The following GRM5 variants were observed in gnomAD, a reference collection of about 807,000 sequenced individuals.
The protein encoded by GRM5 is glutamate metabotropic receptor 5, also known as metabotropic glutamate receptor 5.
Under a neutral mutation model 83.1 loss-of-function variants are expected in GRM5, and 19 were observed. That is an observed-to-expected ratio of 0.23 (90% CI 0.16 to 0.34). GRM5 has a LOEUF of 0.34. GRM5 is among the 10% of genes least tolerant of loss of function. The pLI, the probability that GRM5 is intolerant of heterozygous loss-of-function variation, is 1.00. For synonymous variants in GRM5, 675 were observed against 633.6 expected (o/e 1.07, Z -0.98); for missense variants, 1,160 against 1,588.3 (o/e 0.73, Z 4.58).
intron 2 of GRM5, among the ~76,000 whole-genome samples, chr11:88,982,346 A>G (rs1482826866): frequency 6.6e-6 from 1 of 152,212 alleles, no homozygotes; most frequent in African/African-American, 2.4e-5. Context: ...TAAGTGATAT[A>G]TAAACCTTTA....
chr11:88,710,524 T>C (rs893334412), intron 3 of GRM5, among the ~76,000 whole-genome samples: 3 of 152,104 alleles, frequency 2.0e-5, no homozygotes, highest in Non-Finnish European at 2.9e-5. Flanking sequence ...AGAACTCAGC[T>C]TTCCACTCCC....
intron 8 of GRM5, among the ~76,000 whole-genome samples, chr11:88,564,613 G>T (rs1375432445): frequency 1.3e-5 from 2 of 152,118 alleles, no homozygotes; most frequent in Non-Finnish European, 1.5e-5. Context: ...GTGCACATTT[G>T]AAGACAAGCA....
At chr11:89,038,453 C>T (rs1366076915) in intron 2 of GRM5, among the ~76,000 whole-genome samples, 4 of 152,130 alleles carry the variant, frequency 2.6e-5, no homozygotes, top group Admixed American at 2.0e-4. Context: ...CATATTGCTT[C>T]CTGCTATTAT....
At chr11:88,561,872 T>C (rs1942764131) in intron 8 of GRM5, among the ~76,000 whole-genome samples, 1 of 152,164 alleles carries the variant, frequency 6.6e-6, no homozygotes, top group Non-Finnish European at 1.5e-5. Context: ...CCAATTTAAC[T>C]TCACAGAAAA....
chr11:88,606,990 G>T (rs1166302299), intron 4 of GRM5, among the ~76,000 whole-genome samples: 1 of 148,746 alleles, frequency 6.7e-6, no homozygotes, highest in African/African-American at 2.5e-5. Flanking sequence ...ACTCTCCAAA[G>T]GTAGTATGTT....
intron 3 of GRM5, among the ~76,000 whole-genome samples, chr11:88,656,174 A>G (rs1226715172): frequency 1.3e-5 from 2 of 152,060 alleles, no homozygotes; most frequent in African/African-American, 4.8e-5. Context: ...AAGCAAGAGA[A>G]AACAAACGGA....
At chr11:88,814,704 T>C (rs1272828890) in intron 3 of GRM5, among the ~76,000 whole-genome samples, 1 of 151,682 alleles carries the variant, frequency 6.6e-6, no homozygotes, top group Non-Finnish European at 1.5e-5. Context: ...ATAAAAAGAA[T>C]ACAACAATCA....
At chr11:88,850,970 G>T (rs1944379995) in intron 2 of GRM5, among the ~76,000 whole-genome samples, 1 of 152,084 alleles carries the variant, frequency 6.6e-6, no homozygotes, top group South Asian at 2.1e-4. Flanking sequence ...AAATATTGAT[G>T]TAGCTATTAT....
intron 3 of GRM5, among the ~76,000 whole-genome samples, chr11:88,733,641 A>T (rs1226101710): frequency 6.6e-6 from 1 of 152,024 alleles, no homozygotes; most frequent in African/African-American, 2.4e-5. Flanking sequence ...GAAAATTAAG[A>T]AGCTGAAAAT....
intron 2 of GRM5, among the ~76,000 whole-genome samples, chr11:88,936,788 C>A (rs1379509931): frequency 1.3e-5 from 2 of 151,678 alleles, no homozygotes; most frequent in Non-Finnish European, 2.9e-5. Flanking sequence ...TGAAAAAGCC[C>A]AATCACTTTA....
chr11:88,720,811 T>TGTGC (rs1555001341), intron 3 of GRM5, among the ~76,000 whole-genome samples: 10 of 131,878 alleles, frequency 7.6e-5, no homozygotes, highest in African/African-American at 2.2e-4. Context: ...TGTGTGTGTG[T>TGTGC]GTGTGTGTGC....
At chr11:88,554,275 C>A (rs1942576040) in intron 8 of GRM5, among the ~76,000 whole-genome samples, 1 of 152,140 alleles carries the variant, frequency 6.6e-6, no homozygotes, top group South Asian at 2.1e-4. Context: ...GTCTCTCCGA[C>A]TCTGGCACCC....
intron 3 of GRM5, among the ~76,000 whole-genome samples, chr11:88,698,081 A>G (rs1353803): frequency 0.57 from 86,108 of 152,074 alleles, 27,132 homozygotes; most frequent in South Asian, 0.8. Context: ...ACTGTCATTC[A>G]GACTCGTCCT....
intron 3 of GRM5, among the ~76,000 whole-genome samples, chr11:88,670,597 A>G (rs1940166930): frequency 6.6e-6 from 1 of 151,816 alleles, no homozygotes; most frequent in Admixed American, 6.6e-5. Context: ...AATTTCTATA[A>G]TTTAATATAA....
intron 3 of GRM5, among the ~76,000 whole-genome samples, chr11:88,663,603 G>A (rs1010422270): frequency 6.6e-6 from 1 of 152,086 alleles, no homozygotes; most frequent in African/African-American, 2.4e-5. Flanking sequence ...CCTTTCTTAG[G>A]ATGATCTTCC....
chr11:88,903,952 C>G (rs934190898), intron 2 of GRM5, among the ~76,000 whole-genome samples: 7 of 152,128 alleles, frequency 4.6e-5, no homozygotes, highest in African/African-American at 1.7e-4. Flanking sequence ...CTATAGATTT[C>G]ATGCTGAGTG....
chr11:88,733,464 C>A (rs377089323), intron 3 of GRM5, among the ~76,000 whole-genome samples: 3 of 151,958 alleles, frequency 2.0e-5, no homozygotes, highest in Non-Finnish European at 4.4e-5. Context: ...ATGGAACCCA[C>A]GTTCCGGACT....
chr11:88,602,113 T>C (rs982547997), intron 5 of GRM5, among the ~76,000 whole-genome samples: 1 of 152,008 alleles, frequency 6.6e-6, no homozygotes, highest in Non-Finnish European at 1.5e-5. Flanking sequence ...CAGCAAAACA[T>C]GACATTACCT....
intron 1 of GRM5, among the ~76,000 whole-genome samples, chr11:89,065,394 CCT>C (rs1366955649): frequency 1.4e-4 from 21 of 145,876 alleles, no homozygotes; most frequent in Non-Finnish European, 1.6e-4. Context: ...ATCTTTTCCT[CCT>C]CTGTTTTTTT....
Sources: allele counts gnomAD v4.1 joint callset (sites outside exome capture counted in the v4.1 genomes callset), GRCh38; gene constraint gnomAD v4.1.1; transcripts MANE v1.5; gene names NCBI Gene and HGNC (gene_info 2026-07-23, HGNC 2026-07-21).